STX16: variants seen among roughly 807,000 people sequenced by gnomAD.
The protein encoded by STX16 is syntaxin 16, also known as syntaxin-16.
Under a neutral mutation model 42.7 loss-of-function variants are expected in STX16, and 28 were observed. The observed-to-expected ratio is 0.66, with a 90% CI of 0.49 to 0.90. The LOEUF (loss-of-function observed/expected upper bound fraction) is 0.90. STX16 is among the 40% of genes least tolerant of loss of function. The pLI is 0.00. For synonymous variants in STX16, 156 were observed against 155.2 expected (o/e 1.00, Z -0.04); for missense variants, 361 against 420.9 (o/e 0.86, Z 1.24).
chr20:58,652,236 A>G (rs2083475462), intron 1 of STX16, 98 bp downstream of exon 1: 3 of 1,472,224 alleles, frequency 2.0e-6, no homozygotes, highest in East Asian at 2.4e-5. Context: ...AAAAGAGAAG[A>G]TAAGAATAAT....
chr20:58,655,773 C>T (rs1213310961), intron 1 of STX16, among the ~76,000 whole-genome samples: 1 of 152,180 alleles, frequency 6.6e-6, no homozygotes, highest in Non-Finnish European at 1.5e-5. Context: ...ATTCCCGGCT[C>T]AGAGTGGTTA....
intron 2 of STX16, among the ~76,000 whole-genome samples, chr20:58,666,404 GTT>G (rs1004268999): frequency 2.9e-5 from 4 of 136,858 alleles, no homozygotes; most frequent in Non-Finnish European, 4.7e-5. Context: ...ATTTCCCTCT[GTT>G]TTTTGTGTGT....
In STX16 at chr20:58,667,573, T is replaced by G. The variant is rs1761903276; in HGVS notation, c.228T>G (p.Pro76=). The change falls in exon 3 of 9, where the codon CCT becomes CCG. Residue 76 remains proline (P), a synonymous_variant. Transcript: ENST00000371141. ...TTGGTGTGACAAAACGGCCACCTCC[T>G]AAGTGGGTGGATGGAGTGGATGAAG... ...AAIGVTKRPP[P]KWVDGVDEIQ... 1.2e-6 allele frequency: 2 copies of G among 1,614,018 alleles called. No homozygotes were observed. The highest frequency in any genetic ancestry group is 8.5e-7 in the Non-Finnish European group (1 of 1,180,022).
chr20:58,656,175 A>G (rs954547262), intron 1 of STX16, among the ~76,000 whole-genome samples: 2 of 152,160 alleles, frequency 1.3e-5, no homozygotes, highest in African/African-American at 4.8e-5. Flanking sequence ...GGGTTAGGTG[A>G]TTTCCAGCAG....
rs2083942136 is a variant in STX16 at position 58,670,500 on chromosome 20, T to C, written c.557-12T>C. ...TACATATTCAAGTAAAATGAATTCC[T>C]ATCTGTGATAGGCATGAAGAATCGA... On this transcript the variant is annotated splice_polypyrimidine_tract_variant and intron_variant, in intron 5 of 8. Transcript: ENST00000371141. 6 of 1,608,806 alleles carry C rather than the reference T, an allele frequency of 3.7e-6. No individual in the cohort carries two copies. In the East Asian group the frequency reaches 1.3e-4, roughly 36 times the overall value.
chr20:58,655,786 C>G (rs1453130113), intron 1 of STX16, among the ~76,000 whole-genome samples: 1 of 152,088 alleles, frequency 6.6e-6, no homozygotes, highest in African/African-American at 2.4e-5. Context: ...AGTGGTTATG[C>G]TTTTTTCCTA....
At chr20:58,664,680 C>T (rs1165350703) in intron 2 of STX16, among the ~76,000 whole-genome samples, 2 of 152,146 alleles carry the variant, frequency 1.3e-5, no homozygotes, top group Admixed American at 6.5e-5. Context: ...TCACTTCAAC[C>T]GACTTTTCAT....
chr20:58,662,205 C>T (rs1371770551), intron 2 of STX16, among the ~76,000 whole-genome samples: 1 of 152,192 alleles, frequency 6.6e-6, no homozygotes, highest in Non-Finnish European at 1.5e-5. Context: ...AATGTCAAGC[C>T]CCCAAACCAC....
In STX16 at chr20:58,668,042, A is replaced by T. The variant is rs376642578; in HGVS notation, c.308A>T (p.His103Leu). Residue 103 changes from histidine (H) to leucine (L), a missense_variant, in exon 4 of 9, where the codon CAT becomes CTT. Coordinates refer to ENST00000371141, the MANE Select transcript of STX16 (RefSeq NM_001001433.3). ...KQKMKELASL[H>L]DKHLNRPTLD... ...AAGATGAAAGAATTGGCCAGCCTTC[A>T]TGACAAGCATTTAAACAGACCCACC... 3 of 1,614,142 alleles carry T rather than the reference A, an allele frequency of 1.9e-6. No individual in the cohort carries two copies. The highest frequency in any genetic ancestry group is 1.3e-5 in the African/African-American group (1 of 74,936).
At chr20:58,676,138 T>G (rs759378656) in intron 8 of STX16, 49 bp from the exon 9 acceptor site, 3 of 1,522,542 alleles carry the variant, frequency 2.0e-6, no homozygotes, top group Middle Eastern at 1.7e-4. Flanking sequence ...GGGACTTGAT[T>G]TGGGATTTTG....
chr20:58,667,755 AT>A, intron 3 of STX16, 158 bp downstream of exon 3: 1 of 845,418 alleles, frequency 1.2e-6, no homozygotes, highest in South Asian at 1.8e-5. Context: ...TGTGTTAATG[AT>A]TTTAGCTGTA....
intron 2 of STX16, among the ~76,000 whole-genome samples, chr20:58,666,468 G>C (rs980657482): frequency 1.2e-4 from 15 of 125,922 alleles, no homozygotes; most frequent in Admixed American, 4.0e-4. Flanking sequence ...CGCTCTTGTT[G>C]CCCTGGCTGG....
At chr20:58,662,981 G>T (rs2083735402) in intron 2 of STX16, among the ~76,000 whole-genome samples, 5 of 152,100 alleles carry the variant, frequency 3.3e-5, no homozygotes, top group Admixed American at 3.3e-4. Context: ...CAACAACTCG[G>T]ATTTCTTAAG....
chr20:58,661,091 G>A (rs1267936802), intron 2 of STX16, among the ~76,000 whole-genome samples: 1 of 152,170 alleles, frequency 6.6e-6, no homozygotes, highest in Non-Finnish European at 1.5e-5. Flanking sequence ...TGGAGAGCAG[G>A]CGTTCTGAGT....
intron 1 of STX16, chr20:58,652,449 A>T: frequency 2.4e-6 from 1 of 418,506 alleles, no homozygotes; most frequent in Non-Finnish European, 4.5e-6. Context: ...TAACGCTAAC[A>T]TTGGGAAGCA....
At chr20:58,663,428 T>A (rs1489585781) in intron 2 of STX16, among the ~76,000 whole-genome samples, 5 of 152,184 alleles carry the variant, frequency 3.3e-5, no homozygotes, top group African/African-American at 1.2e-4. Context: ...TTGAAGTGGA[T>A]CAAAGGCAAA....
intron 2 of STX16, among the ~76,000 whole-genome samples, chr20:58,667,050 T>C (rs1167603431): frequency 2.0e-5 from 3 of 151,952 alleles, no homozygotes; most frequent in Non-Finnish European, 4.4e-5. Context: ...ATTGAGCATT[T>C]TGTAGTTGTT....
Position 58,676,354 on chromosome 20 carries a change from GCGCCCCGCCAGCTGCC to G in STX16, c.*67_*82del. ...CTCCCGGGTGTGAGGGGCTTGGCCTGCGCCCCGCCAGCTGCCCGCAGAGGTGCAGCCTCGAGGAATC... is the reference window on the plus strand; with the variant it reads ...CTCCCGGGTGTGAGGGGCTTGGCCTGCGCAGAGGTGCAGCCTCGAGGAATC... On this transcript the variant is annotated 3_prime_UTR_variant, in exon 9 of 9. Coordinates refer to ENST00000371141, the MANE Select transcript of STX16 (RefSeq NM_001001433.3). The G allele has an allele frequency of 6.9e-7, 1 of 1,458,412 alleles. No homozygotes were observed. Among genetic ancestry groups the G allele is most frequent in the Non-Finnish European group, 9.6e-7 (1 of 1,040,958 alleles). The allele number at this position is 1,458,412 out of a possible 1,614,324, so 90.3% of individuals were successfully genotyped here.
rs1169218454 is a variant in STX16 at position 58,651,643 on chromosome 20, C to CA, written c.-363dup. 1 of 227,152 alleles carries CA rather than the reference C, an allele frequency of 4.4e-6. No homozygotes were observed. Among genetic ancestry groups the CA allele is most frequent in the African/African-American group, 2.3e-5 (1 of 43,596 alleles). 14.1% of individuals were successfully genotyped at this position (227,152 alleles called of 1,614,324 possible). On this transcript the variant is annotated 5_prime_UTR_variant, in exon 1 of 9. Transcript: ENST00000371141. The stretch of plus-strand genomic sequence containing the variant: ...GGGGGTCTCAGGGAGTAGGGGGCTT[C>CA]AGGGCCTCCCAGTCTAGAGCCGGAT...
Sources: allele counts gnomAD v4.1 joint callset (sites outside exome capture counted in the v4.1 genomes callset), GRCh38; gene constraint gnomAD v4.1.1; transcripts MANE v1.5; gene names NCBI Gene and HGNC (gene_info 2026-07-23, HGNC 2026-07-21).